ARRB1: variants seen among roughly 807,000 people sequenced by gnomAD.
The protein encoded by ARRB1 is beta-arrestin-1.
Under a neutral mutation model 56.8 loss-of-function variants are expected in ARRB1, and 21 were observed. The ratio of observed to expected loss-of-function variants is 0.37; its 90% CI spans 0.26 to 0.53. The LOEUF (loss-of-function observed/expected upper bound fraction) is 0.53, where lower values mean the gene tolerates loss of function less well. Among genes scored for constraint, ARRB1 ranks in the 20% least tolerant of loss-of-function variants. The pLI is 0.88. For synonymous variants in ARRB1, 210 were observed against 218.6 expected (o/e 0.96, Z 0.35); for missense variants, 424 against 553.7 (o/e 0.77, Z 2.35).
At chr11:75,326,815 C>T (rs1284905642) in intron 1 of ARRB1, among the ~76,000 whole-genome samples, 2 of 151,262 alleles carry the variant, frequency 1.3e-5, no homozygotes, top group African/African-American at 4.9e-5. Context: ...CTTCAACCTC[C>T]TACCTCAGCC....
chr11:75,282,116 C>T, intron 5 of ARRB1, 95 bp from the exon 6 acceptor site: 1 of 1,347,174 alleles, frequency 7.4e-7, no homozygotes, highest in Non-Finnish European at 1.0e-6. Flanking sequence ...CCCATCAGAC[C>T]AAGGGCCCCA....
intron 1 of ARRB1, among the ~76,000 whole-genome samples, chr11:75,344,713 AC>A (rs1947739796): frequency 6.6e-6 from 1 of 152,156 alleles, no homozygotes; most frequent in African/African-American, 2.4e-5. Flanking sequence ...CTGAGATGAT[AC>A]CTATTCTAAT....
Position 75,277,353 on chromosome 11 carries a change from G to A in ARRB1, c.703+11C>T. On this transcript the variant is annotated intron_variant, in intron 9 of 15. Coordinates refer to ENST00000420843, the MANE Select transcript of ARRB1 (RefSeq NM_004041.5). ...TCGCTGTCCCCTAAGCTGACCCTCTGTCTGGGATACCTGAGATCTTGATCT... is the reference window on the plus strand; with the variant it reads ...TCGCTGTCCCCTAAGCTGACCCTCTATCTGGGATACCTGAGATCTTGATCT... The A allele has an allele frequency of 6.2e-7, 1 of 1,613,332 alleles. No individual in the cohort carries two copies. Among genetic ancestry groups the A allele is most frequent in the Non-Finnish European group, 8.5e-7 (1 of 1,179,216 alleles).
At chr11:75,297,732 G>A (rs1034171310) in intron 1 of ARRB1, among the ~76,000 whole-genome samples, 4 of 151,612 alleles carry the variant, frequency 2.6e-5, no homozygotes, top group African/African-American at 9.7e-5. Context: ...AGGTGTGGTG[G>A]CAGGCACCTG....
chr11:75,321,606 TG>T (rs1947350764), intron 1 of ARRB1, among the ~76,000 whole-genome samples: 1 of 152,134 alleles, frequency 6.6e-6, no homozygotes, highest in Non-Finnish European at 1.5e-5. Context: ...CCTAGTGAAC[TG>T]GTCTGCCTTG....
intron 1 of ARRB1, among the ~76,000 whole-genome samples, chr11:75,342,246 G>T (rs560720426): frequency 7.9e-5 from 12 of 152,152 alleles, no homozygotes; most frequent in African/African-American, 2.9e-4. Context: ...TGCACTTCCT[G>T]CTTCCCTCTC....
chr11:75,320,582 G>A (rs1269503257), intron 1 of ARRB1, among the ~76,000 whole-genome samples: 1 of 152,208 alleles, frequency 6.6e-6, no homozygotes, highest in Non-Finnish European at 1.5e-5. Flanking sequence ...GTTCCCGCAA[G>A]GGCTGAAGGC....
intron 1 of ARRB1, among the ~76,000 whole-genome samples, chr11:75,343,271 C>T (rs758852039): frequency 6.6e-6 from 1 of 152,134 alleles, no homozygotes; most frequent in African/African-American, 2.4e-5. Context: ...GAGGGCTTCC[C>T]AGAGGAAGAG....
chr11:75,339,525 A>T (rs1947664140), intron 1 of ARRB1, among the ~76,000 whole-genome samples: 1 of 152,194 alleles, frequency 6.6e-6, no homozygotes, highest in Non-Finnish European at 1.5e-5. Context: ...CCTGGATGAA[A>T]ACACATGTCA....
chr11:75,276,753 C>A, intron 10 of ARRB1, 86 bp downstream of exon 10: 1 of 1,384,534 alleles, frequency 7.2e-7, no homozygotes, highest in South Asian at 1.2e-5. Context: ...TGGAGAAGAG[C>A]CACCTGGACC....
chr11:75,297,641 G>A (rs1409694842), intron 1 of ARRB1, among the ~76,000 whole-genome samples: 1 of 151,902 alleles, frequency 6.6e-6, no homozygotes, highest in Non-Finnish European at 1.5e-5. Context: ...GAGGCGGGCA[G>A]ATCACCTGAG....
chr11:75,269,293 C>A, intron 13 of ARRB1: 2 of 473,854 alleles, frequency 4.2e-6, no homozygotes, highest in Admixed American at 2.9e-5. Flanking sequence ...CAGAGGTGCC[C>A]TGGGACCCCC....
intron 2 of ARRB1, among the ~76,000 whole-genome samples, chr11:75,289,010 G>C (rs35452852): frequency 2.0e-5 from 3 of 152,176 alleles, no homozygotes; most frequent in Admixed American, 1.3e-4. Context: ...ATCTACCGGC[G>C]GGGAGAGGGG....
intron 1 of ARRB1, among the ~76,000 whole-genome samples, chr11:75,325,021 A>G (rs1453736621): frequency 6.6e-6 from 1 of 152,164 alleles, no homozygotes; most frequent in Non-Finnish European, 1.5e-5. Context: ...CTTGGGGTAG[A>G]GACCTGAAGA....
intron 1 of ARRB1, chr11:75,303,558 C>G (rs1014454885): frequency 2.2e-6 from 1 of 456,164 alleles, no homozygotes; most frequent in Admixed American, 2.4e-5. Flanking sequence ...TTCTTTTCTT[C>G]CCTTTATTTT....
At chr11:75,316,570 A>C (rs1179914020) in intron 1 of ARRB1, among the ~76,000 whole-genome samples, 1 of 152,020 alleles carries the variant, frequency 6.6e-6, no homozygotes, top group African/African-American at 2.4e-5. Context: ...ACCTGCCATG[A>C]AACATCTCGC....
intron 1 of ARRB1, among the ~76,000 whole-genome samples, chr11:75,314,529 A>G (rs997850665): frequency 3.9e-5 from 6 of 152,354 alleles, no homozygotes; most frequent in African/African-American, 1.4e-4. Context: ...GAGTCAGGTC[A>G]GAGCAATGGT....
intron 1 of ARRB1, among the ~76,000 whole-genome samples, chr11:75,313,347 T>A (rs1423876880): frequency 6.6e-6 from 1 of 152,062 alleles, no homozygotes; most frequent in Non-Finnish European, 1.5e-5. Flanking sequence ...TGAGACTCCA[T>A]CTCAAAAAAT....
At chr11:75,318,632 G>A (rs1309832593) in intron 1 of ARRB1, among the ~76,000 whole-genome samples, 1 of 152,096 alleles carries the variant, frequency 6.6e-6, no homozygotes, top group Non-Finnish European at 1.5e-5. Flanking sequence ...GGAGGTGGCA[G>A]TGAGCTGAGA....
Sources: allele counts gnomAD v4.1 joint callset (sites outside exome capture counted in the v4.1 genomes callset), GRCh38; gene constraint gnomAD v4.1.1; transcripts MANE v1.5; gene names NCBI Gene and HGNC (gene_info 2026-07-23, HGNC 2026-07-21).